Variants in SGK1 observed in about 807,000 individuals in gnomAD.
The protein encoded by SGK1 is serine/threonine-protein kinase Sgk1.
In SGK1, 26 loss-of-function variants were observed where a neutral mutation model predicts 64.2. The ratio of observed to expected loss-of-function variants is 0.40; its 90% CI spans 0.30 to 0.56. The LOEUF (loss-of-function observed/expected upper bound fraction) is 0.56. Among genes scored for constraint, SGK1 ranks in the 20% least tolerant of loss-of-function variants. SGK1 has a pLI of 0.38. For missense variants in SGK1, 519 were observed against 645.6 expected, an observed-to-expected ratio of 0.80 and a Z score of 2.12; for synonymous variants, 265 against 239.7, an observed-to-expected ratio of 1.11 and a Z score of -0.98.
chr6:134,313,356 C>A (rs78658773), intron 1 of SGK1, among the ~76,000 whole-genome samples: 3,598 of 152,122 alleles, frequency 0.024, 62 homozygotes, highest in East Asian at 0.067. Context: ...AACCAACCAA[C>A]CAAACAAACA....
rs1775810291 is a variant in SGK1, at chr6:134,207,346, C to T, written c.361+10G>A. The T allele has an allele frequency of 5.7e-6, 9 of 1,582,888 alleles. No individual in the cohort carries two copies. The highest frequency in any genetic ancestry group is 1.3e-5 in the African/African-American group (1 of 74,278). On this transcript the variant is annotated intron_variant, in intron 3 of 13. Transcript: ENST00000367858. ...ATAACAGGAAACAGGTTGTATTTTT[C>T]CAATAATACCTGGATCATCATTAGT...
At chr6:134,225,980 T>C (rs1442513942) in intron 2 of SGK1, among the ~76,000 whole-genome samples, 1 of 151,594 alleles carries the variant, frequency 6.6e-6, no homozygotes, top group African/African-American at 2.4e-5. Flanking sequence ...CAGTGGCACA[T>C]GCCTGTAGTC....
chr6:134,195,087 T>A (rs1775576767), intron 3 of SGK1, among the ~76,000 whole-genome samples: 1 of 152,196 alleles, frequency 6.6e-6, no homozygotes, highest in Non-Finnish European at 1.5e-5. Flanking sequence ...GAAAATTTCC[T>A]GGTATCATTT....
intron 1 of SGK1, among the ~76,000 whole-genome samples, chr6:134,314,862 A>T (rs1777656034): frequency 2.0e-5 from 3 of 151,600 alleles, no homozygotes; most frequent in Admixed American, 6.6e-5. Context: ...TCACTTTGTA[A>T]GACTGTCTAG....
chr6:134,274,739 T>C (rs1017901413), intron 1 of SGK1, among the ~76,000 whole-genome samples: 1 of 152,218 alleles, frequency 6.6e-6, no homozygotes, highest in African/African-American at 2.4e-5. Context: ...ACTCAGCTTG[T>C]ATCTTCTCGA....
Position 134,261,833 on chromosome 6 carries a change from T to C in SGK1, c.285+100A>G, listed in dbSNP as rs556729835. ...TCCTCAGAAGCTTTATAAATATGCA[T>C]TAAAAAATTATTTTTTGGGTATACT... On this transcript the variant is annotated intron_variant, in intron 2 of 13. Coordinates refer to ENST00000367858, the MANE Select transcript of SGK1 (RefSeq NM_001143676.3). 12 of 843,516 alleles carry C rather than the reference T, an allele frequency of 1.4e-5. No homozygotes were observed. The East Asian group carries it at 2.9e-4, about 21-fold the overall frequency. 52.3% of individuals were successfully genotyped at this position (843,516 alleles called of 1,614,324 possible).
At chr6:134,213,611 T>G (rs907333790) in intron 2 of SGK1, among the ~76,000 whole-genome samples, 9 of 108,830 alleles carry the variant, frequency 8.3e-5, no homozygotes, top group Non-Finnish European at 1.7e-4. Context: ...CAAAACTCTG[T>G]CTCAAAATAA....
intron 3 of SGK1, among the ~76,000 whole-genome samples, chr6:134,189,604 A>G (rs1775477038): frequency 6.6e-6 from 1 of 152,256 alleles, no homozygotes; most frequent in African/African-American, 2.4e-5. Flanking sequence ...AGTATCTACA[A>G]TTATTCTATT....
chr6:134,297,885 C>G (rs1443350886), intron 1 of SGK1: 7 of 803,642 alleles, frequency 8.7e-6, no homozygotes, highest in South Asian at 8.0e-5. Flanking sequence ...CTGGTACATG[C>G]TCTCAGCCTC....
intron 3 of SGK1, among the ~76,000 whole-genome samples, chr6:134,184,707 A>G (rs978914022): frequency 2.6e-5 from 4 of 152,132 alleles, no homozygotes; most frequent in Non-Finnish European, 5.9e-5. Context: ...TGTTTAAGAC[A>G]GGGTCTTGTT....
intron 1 of SGK1, chr6:134,297,223 G>A (rs1777370219): frequency 2.2e-5 from 21 of 968,962 alleles, no homozygotes; most frequent in South Asian, 3.8e-5. Flanking sequence ...GACTCCAGCC[G>A]GCATTTCTAG....
intron 1 of SGK1, among the ~76,000 whole-genome samples, chr6:134,270,007 C>T (rs886204668): frequency 2.7e-5 from 4 of 147,686 alleles, no homozygotes; most frequent in African/African-American, 7.3e-5. Context: ...CTGCAACCTC[C>T]GCCTCCCGGG....
intron 2 of SGK1, among the ~76,000 whole-genome samples, chr6:134,232,461 A>AAG (rs1230315192): frequency 8.2e-5 from 5 of 60,930 alleles, no homozygotes; most frequent in Non-Finnish European, 2.0e-4. Flanking sequence ...GAAAGAAAGA[A>AAG]AGAAAGAAAG....
At chr6:134,293,703 G>A (rs992193105) in intron 1 of SGK1, among the ~76,000 whole-genome samples, 4 of 152,146 alleles carry the variant, frequency 2.6e-5, no homozygotes, top group Non-Finnish European at 4.4e-5. Context: ...TGAATATTAA[G>A]ATGATTTATG....
intron 1 of SGK1, among the ~76,000 whole-genome samples, chr6:134,302,573 A>G (rs1777474145): frequency 6.6e-6 from 1 of 152,102 alleles, no homozygotes; most frequent in South Asian, 2.1e-4. Flanking sequence ...CACAACTTAC[A>G]CCACAACAAA....
chr6:134,297,422 G>A (rs1777376367), intron 1 of SGK1: 3 of 711,070 alleles, frequency 4.2e-6, no homozygotes, highest in South Asian at 4.0e-5. Context: ...CATCTGCGAT[G>A]GCAGTCTCCA....
chr6:134,217,235 G>A (rs182630530), intron 2 of SGK1, among the ~76,000 whole-genome samples: 35 of 152,164 alleles, frequency 2.3e-4, no homozygotes, highest in Non-Finnish European at 5.0e-4. Flanking sequence ...TAGGGAAGAT[G>A]GGGGAATCCA....
intron 1 of SGK1, among the ~76,000 whole-genome samples, chr6:134,313,948 G>C (rs1396585581): frequency 6.6e-6 from 1 of 152,116 alleles, no homozygotes; most frequent in Non-Finnish European, 1.5e-5. Flanking sequence ...CTCTTGGATT[G>C]GGAGAATAAA....
At chr6:134,173,205 C>A in intron 7 of SGK1, 51 bp from the exon 8 acceptor site, 1 of 1,609,980 alleles carries the variant, frequency 6.2e-7, no homozygotes, top group Non-Finnish European at 8.5e-7. Context: ...TTGGCACCAA[C>A]ATTCCAGAAT....
Sources: gnomAD v4.1 joint callset for allele counts (sites outside exome capture counted in the v4.1 genomes callset) on GRCh38, gnomAD v4.1.1 for gene constraint, MANE v1.5 for transcripts, NCBI Gene and HGNC (gene_info 2026-07-23, HGNC 2026-07-21) for gene names.